PAFAH2: variants seen among roughly 807,000 people sequenced by gnomAD.
The protein encoded by PAFAH2 is platelet activating factor acetylhydrolase 2.
A neutral mutation model predicts 49.0 loss-of-function variants in PAFAH2; 42 were observed. That is an observed-to-expected ratio of 0.86 (90% CI 0.67 to 1.11). The LOEUF is 1.11. Among genes scored for constraint, PAFAH2 ranks in the 50% least tolerant of loss-of-function variants. The pLI is 0.00. For synonymous variants in PAFAH2, 184 were observed against 181.3 expected (o/e 1.01, Z -0.12); for missense variants, 503 against 501.8 (o/e 1.00, Z -0.02).
At chr1:25,978,204 T>TA (rs960523641) in intron 7 of PAFAH2, among the ~76,000 whole-genome samples, 8 of 151,732 alleles carry the variant, frequency 5.3e-5, no homozygotes, top group South Asian at 2.1e-4. Context: ...TCTTCAACAT[T>TA]AAAAAAAAAT....
intron 6 of PAFAH2, among the ~76,000 whole-genome samples, chr1:25,982,911 C>T (rs1354552562): frequency 6.6e-6 from 1 of 152,154 alleles, no homozygotes; most frequent in Non-Finnish European, 1.5e-5. Context: ...TTCCCACTCC[C>T]ATTCTAACAA....
At chr1:25,965,356 T>C (rs1331368900) in intron 10 of PAFAH2, among the ~76,000 whole-genome samples, 1 of 152,076 alleles carries the variant, frequency 6.6e-6, no homozygotes, top group Admixed American at 6.6e-5. Flanking sequence ...AAAGAATTCG[T>C]CCTTAAAAGC....
At chr1:25,987,158 C>T (rs1006986824) in intron 4 of PAFAH2, among the ~76,000 whole-genome samples, 6 of 151,332 alleles carry the variant, frequency 4.0e-5, no homozygotes, top group Non-Finnish European at 7.4e-5. Context: ...CGCTTGAACC[C>T]GGAAGGCAAA....
At chr1:25,962,526 C>A (rs2049353937) in intron 10 of PAFAH2, among the ~76,000 whole-genome samples, 1 of 152,048 alleles carries the variant, frequency 6.6e-6, no homozygotes, top group Non-Finnish European at 1.5e-5. Flanking sequence ...AAATCCAAGT[C>A]AGAAAGGCAG....
intron 1 of PAFAH2, among the ~76,000 whole-genome samples, chr1:25,995,960 G>T (rs905430261): frequency 6.6e-6 from 1 of 152,136 alleles, no homozygotes; most frequent in Non-Finnish European, 1.5e-5. Flanking sequence ...GGGGGACAAA[G>T]GTTTTGATGA....
intron 1 of PAFAH2, among the ~76,000 whole-genome samples, chr1:25,994,199 T>C (rs1167006192): frequency 6.7e-6 from 1 of 149,588 alleles, no homozygotes; most frequent in African/African-American, 2.5e-5. Context: ...TGGAGTGCAG[T>C]GGCTCACTGT....
At chr1:25,970,911 G>C (rs555603988) in intron 10 of PAFAH2, among the ~76,000 whole-genome samples, 1 of 152,080 alleles carries the variant, frequency 6.6e-6, no homozygotes, top group South Asian at 2.1e-4. Context: ...CTTTAGAAGG[G>C]GCACCAAAAA....
intron 8 of PAFAH2, 51 bp from the exon 9 acceptor site, chr1:25,974,701 T>C (rs2049562771): frequency 6.4e-7 from 1 of 1,557,174 alleles, no homozygotes; most frequent in African/African-American, 1.4e-5. Flanking sequence ...CAGGCAAGAA[T>C]AGTTAGGGTG....
Position 25,961,791 on chromosome 1 carries a change from G to A in PAFAH2, c.*198C>T. ...AGAAAGTCTGTTTGTCAATCAGCAA[G>A]GGATCCCAGTCCCAAAGTGATTTTA... On this transcript the variant is annotated 3_prime_UTR_variant, in exon 11 of 11. Coordinates refer to ENST00000374282, the MANE Select transcript of PAFAH2 (RefSeq NM_000437.4). The A allele has an allele frequency of 4.0e-6, 2 of 495,912 alleles. No individual in the cohort carries two copies. Among genetic ancestry groups the A allele is most frequent in the South Asian group, 3.2e-5 (1 of 30,826 alleles). 30.7% of individuals were successfully genotyped at this position (495,912 alleles called of 1,614,324 possible).
In PAFAH2 at chr1:25,960,150, T is replaced by G. The variant is rs894665212; in HGVS notation, c.*1839A>C. 2 of 152,232 alleles carry G rather than the reference T, an allele frequency of 1.3e-5. No homozygotes were observed. Among genetic ancestry groups the G allele is most frequent in the African/African-American group, 2.4e-5 (1 of 41,468 alleles). 9.4% of individuals were successfully genotyped at this position (152,232 alleles called of 1,614,324 possible). On this transcript the variant is annotated 3_prime_UTR_variant, in exon 11 of 11. Transcript: ENST00000374282. The stretch of plus-strand genomic sequence containing the variant: ...GTAACTTTAGAGCCCAGGGCTTTAA[T>G]GATACCCTTCTTATGCTATGTCTCA...
chr1:25,967,880 G>T (rs1298698628), intron 10 of PAFAH2, among the ~76,000 whole-genome samples: 2 of 152,108 alleles, frequency 1.3e-5, no homozygotes, highest in Non-Finnish European at 2.9e-5. Flanking sequence ...CTAAAGTAAA[G>T]AGGGGCTGGG....
intron 1 of PAFAH2, among the ~76,000 whole-genome samples, chr1:25,997,030 G>A (rs149604637): frequency 2.3e-4 from 35 of 152,334 alleles, no homozygotes; most frequent in African/African-American, 7.7e-4. Flanking sequence ...GAATGGATGG[G>A]GCTTAGGTTG....
At chr1:25,980,609 A>ATTTT (rs377523108) in intron 7 of PAFAH2, among the ~76,000 whole-genome samples, 5 of 129,216 alleles carry the variant, frequency 3.9e-5, no homozygotes, top group South Asian at 2.3e-4. Flanking sequence ...ACTGGGCCAT[A>ATTTT]TTTATATATA....
At chr1:25,964,608 T>C (rs1557510653) in intron 10 of PAFAH2, among the ~76,000 whole-genome samples, 1 of 152,048 alleles carries the variant, frequency 6.6e-6, no homozygotes, top group Non-Finnish European at 1.5e-5. Flanking sequence ...ACAATCAAGC[T>C]GAGAACCCAA....
In PAFAH2 at chr1:25,961,643, G is replaced by A. The variant is rs371370885; in HGVS notation, c.*346C>T. Reference sequence around the variant, plus strand: ...TTCCACTGAAGCAGCAGCACTGGCCGGGGGTAAGGGAATGAGCTTCGCTGG... The same window carrying A: ...TTCCACTGAAGCAGCAGCACTGGCCAGGGGTAAGGGAATGAGCTTCGCTGG... On this transcript the variant is annotated 3_prime_UTR_variant, in exon 11 of 11. Transcript: ENST00000374282. The A allele has an allele frequency of 2.7e-5, 5 of 185,710 alleles. No homozygotes were observed. In the East Asian group the frequency reaches 4.2e-4, roughly 16 times the overall value. The allele number at this position is 185,710 out of a possible 1,614,324, so 11.5% of individuals were successfully genotyped here.
chr1:25,981,453 C>T (rs529894828), intron 7 of PAFAH2, among the ~76,000 whole-genome samples: 1 of 152,122 alleles, frequency 6.6e-6, no homozygotes, highest in South Asian at 2.1e-4. Flanking sequence ...TTATACCCTC[C>T]CGGGAGGGTT....
At chr1:25,982,178 C>T (rs560586006) in intron 7 of PAFAH2, among the ~76,000 whole-genome samples, 186 bp downstream of exon 7, 1 of 152,242 alleles carries the variant, frequency 6.6e-6, no homozygotes, top group East Asian at 1.9e-4. Context: ...AGTGCCAGGG[C>T]TTTGATGACA....
intron 4 of PAFAH2, among the ~76,000 whole-genome samples, chr1:25,987,650 C>T (rs952509532): frequency 8.6e-5 from 13 of 150,788 alleles, no homozygotes; most frequent in African/African-American, 2.9e-4. Flanking sequence ...AAGGCTAGAA[C>T]GGGAGGATGG....
At chr1:25,986,642 AC>A (rs2049785459) in intron 4 of PAFAH2, among the ~76,000 whole-genome samples, 1 of 151,912 alleles carries the variant, frequency 6.6e-6, no homozygotes, top group Admixed American at 6.6e-5. Flanking sequence ...CAATTCTCCT[AC>A]CTCAGCCTCC....
Sources: gnomAD v4.1 joint callset for allele counts (sites outside exome capture counted in the v4.1 genomes callset) on GRCh38, gnomAD v4.1.1 for gene constraint, MANE v1.5 for transcripts, NCBI Gene and HGNC (gene_info 2026-07-23, HGNC 2026-07-21) for gene names.